IL15: variants seen among roughly 807,000 people sequenced by gnomAD.
IL15 encodes the protein interleukin-15.
A neutral mutation model predicts 19.6 loss-of-function variants in IL15; 11 were observed. That is an observed-to-expected ratio of 0.56 (90% CI 0.35 to 0.93). The LOEUF (loss-of-function observed/expected upper bound fraction) is 0.93. Among genes scored for constraint, IL15 ranks in the 40% least tolerant of loss-of-function variants. IL15 has a pLI of 0.01. For missense variants in IL15, 197 were observed against 186.5 expected (o/e 1.06, Z -0.33); for synonymous variants, 58 against 59.6 (o/e 0.97, Z 0.12).
At chr4:141,726,606 T>C (rs1203721877) in intron 5 of IL15, among the ~76,000 whole-genome samples, 3 of 152,144 alleles carry the variant, frequency 2.0e-5, no homozygotes, top group African/African-American at 7.2e-5. Flanking sequence ...CATTCATCCT[T>C]GATAAATGAA....
At chr4:141,670,582 A>C (rs1220911477) in intron 2 of IL15, among the ~76,000 whole-genome samples, 1 of 152,196 alleles carries the variant, frequency 6.6e-6, no homozygotes, top group Non-Finnish European at 1.5e-5. Context: ...ATTGATTTTA[A>C]GTTTAACCAA....
chr4:141,682,956 G>GA lies in IL15; in HGVS notation c.-100+26655dup, dbSNP rs531692416. ...GACAAAGCGAGATTCCATCTCAAAAGAAAAAACAAACAAACAAACAAAAAA... is the reference window on the plus strand; with the variant it reads ...GACAAAGCGAGATTCCATCTCAAAAGAAAAAAACAAACAAACAAACAAAAAA... On this transcript the variant is annotated intron_variant, in intron 2 of 7. Coordinates refer to ENST00000320650, the MANE Select transcript of IL15 (RefSeq NM_000585.5). 4.0e-4 allele frequency among the ~76,000 whole-genome samples: 61 copies of GA among 151,332 alleles called. 1 individual carries two copies. The highest frequency in any genetic ancestry group is 6.1e-4 in the Non-Finnish European group (41 of 67,750).
rs983654921 is a variant in IL15 at position 141,665,711 on chromosome 4, C to T, written c.-100+9404C>T. 4.6e-5 allele frequency among the ~76,000 whole-genome samples: 7 copies of T among 152,100 alleles called. No homozygotes were observed. The East Asian group carries it at 1.4e-3, about 29-fold the overall frequency. ...TTCTTTATATATTTCCATACATTAC[C>T]ATATTCATTCCTAACTATGGTATAA... On this transcript the variant is annotated intron_variant, in intron 2 of 7. Coordinates refer to ENST00000320650, the MANE Select transcript of IL15 (RefSeq NM_000585.5).
At chr4:141,670,382 T>A (rs1197836992) in intron 2 of IL15, among the ~76,000 whole-genome samples, 1 of 152,146 alleles carries the variant, frequency 6.6e-6, no homozygotes, top group Non-Finnish European at 1.5e-5. Context: ...CTTTCAAAAT[T>A]GACTTAAATA....
At position 141,656,598 on chromosome 4, in the gene IL15, C is replaced by A. The variant is rs745476697; in HGVS notation, c.-100+291C>A. ...ACAATGAGTCAACTCTGCCCTATTACCTGAAAGAAGCAATAATCGTGTAGG... is the reference window on the plus strand; with the variant it reads ...ACAATGAGTCAACTCTGCCCTATTAACTGAAAGAAGCAATAATCGTGTAGG... On this transcript the variant is annotated intron_variant, in intron 2 of 7. Coordinates refer to ENST00000320650, the MANE Select transcript of IL15 (RefSeq NM_000585.5). Among the ~76,000 whole-genome samples the A allele has an allele frequency of 6.8e-4, 103 of 152,078 alleles. 1 individual carries two copies. Among genetic ancestry groups the A allele is most frequent in the Non-Finnish European group, 1.5e-4 (10 of 68,036 alleles).
chr4:141,695,791 G>A (rs1022184310), intron 2 of IL15, among the ~76,000 whole-genome samples: 2 of 151,790 alleles, frequency 1.3e-5, no homozygotes, highest in African/African-American at 4.8e-5. Flanking sequence ...AAGTTGTATT[G>A]TTTCTTCAAA....
At chr4:141,720,331 T>G (rs1730030558) in intron 3 of IL15, 138 bp from the exon 4 acceptor site, 3 of 581,498 alleles carry the variant, frequency 5.2e-6, no homozygotes, top group Non-Finnish European at 9.1e-6. Flanking sequence ...TATAGTTTTA[T>G]TATTTTTGAT....
At chr4:141,674,879 A>C (rs1049867825) in intron 2 of IL15, among the ~76,000 whole-genome samples, 1 of 152,168 alleles carries the variant, frequency 6.6e-6, no homozygotes, top group Non-Finnish European at 1.5e-5. Context: ...AAATAACACC[A>C]TTACTTATAT....
chr4:141,648,027 G>A (rs1001173740), intron 1 of IL15, among the ~76,000 whole-genome samples: 5 of 152,046 alleles, frequency 3.3e-5, no homozygotes, highest in Non-Finnish European at 5.9e-5. Flanking sequence ...ACATAGTAGA[G>A]CTATAATAAT....
At chr4:141,672,731 A>G (rs1323573983) in intron 2 of IL15, among the ~76,000 whole-genome samples, 1 of 152,228 alleles carries the variant, frequency 6.6e-6, no homozygotes, top group Non-Finnish European at 1.5e-5. Flanking sequence ...ACAAAGAAAA[A>G]CATACCAGTT....
At chr4:141,712,660 A>C (rs1219825992) in intron 2 of IL15, among the ~76,000 whole-genome samples, 1 of 148,620 alleles carries the variant, frequency 6.7e-6, no homozygotes, top group Non-Finnish European at 1.5e-5. Context: ...TCTATATATA[A>C]ATATATTGTT....
At chr4:141,648,123 G>A (rs1273906304) in intron 1 of IL15, among the ~76,000 whole-genome samples, 1 of 151,960 alleles carries the variant, frequency 6.6e-6, no homozygotes, top group Non-Finnish European at 1.5e-5. Flanking sequence ...GACCATATTT[G>A]ACTCATAGTA....
intron 2 of IL15, chr4:141,715,754 A>T (rs1373235734): frequency 6.6e-6 from 1 of 152,158 alleles, no homozygotes; most frequent in African/African-American, 2.4e-5. Flanking sequence ...AACCCAGAAA[A>T]CCAATACTTG....
At chr4:141,648,800 A>G (rs866555419) in intron 1 of IL15, among the ~76,000 whole-genome samples, 81 of 152,214 alleles carry the variant, frequency 5.3e-4, no homozygotes, top group African/African-American at 1.7e-3. Flanking sequence ...AAGTCAAACC[A>G]TATTACTCTG....
intron 2 of IL15, among the ~76,000 whole-genome samples, chr4:141,694,978 T>C (rs1034500053): frequency 1.3e-5 from 2 of 152,200 alleles, no homozygotes; most frequent in African/African-American, 4.8e-5. Context: ...TCCATGTCCA[T>C]TACTATTTAC....
At chr4:141,678,511 C>T (rs1728426512) in intron 2 of IL15, among the ~76,000 whole-genome samples, 1 of 150,548 alleles carries the variant, frequency 6.6e-6, no homozygotes, top group Non-Finnish European at 1.5e-5. Context: ...ACAAAGCTAT[C>T]ATTTAACTAG....
rs1192589388 is a variant in IL15 at position 141,653,547 on chromosome 4, T to C, written c.-221-2639T>C. Among the ~76,000 whole-genome samples, 11 of 152,070 alleles carry C rather than the reference T, an allele frequency of 7.2e-5. No homozygotes were observed. In the East Asian group the frequency reaches 2.1e-3, roughly 29 times the overall value. On this transcript the variant is annotated intron_variant, in intron 1 of 7. Coordinates refer to ENST00000320650, the MANE Select transcript of IL15 (RefSeq NM_000585.5). The stretch of plus-strand genomic sequence containing the variant: ...AAAAATGCACGTATATATTTAACCA[T>C]CCCCCTTTCTGAAAACAAATACACA...
At chr4:141,662,516 A>G (rs772352884) in intron 2 of IL15, among the ~76,000 whole-genome samples, 9 of 152,184 alleles carry the variant, frequency 5.9e-5, no homozygotes, top group Non-Finnish European at 1.0e-4. Flanking sequence ...TGCATGATAT[A>G]TATTTTCTCA....
chr4:141,705,543 A>G (rs1560929345), intron 2 of IL15, among the ~76,000 whole-genome samples: 1 of 152,030 alleles, frequency 6.6e-6, no homozygotes, highest in Non-Finnish European at 1.5e-5. Context: ...GGTGAGAAGA[A>G]TGTGTACTCT....
Sources: gnomAD v4.1 joint callset for allele counts (sites outside exome capture counted in the v4.1 genomes callset) on GRCh38, gnomAD v4.1.1 for gene constraint, MANE v1.5 for transcripts, NCBI Gene and HGNC (gene_info 2026-07-23, HGNC 2026-07-21) for gene names.